The following TRIM71 variants were observed in gnomAD, a reference collection of about 807,000 sequenced individuals.
TRIM71 encodes the protein tripartite motif containing 71.
TRIM71 carries 9 observed loss-of-function variants against 61.2 expected under a neutral mutation model. The ratio of observed to expected loss-of-function variants is 0.15; its 90% confidence interval spans 0.09 to 0.26. The LOEUF is 0.26. TRIM71 is among the 10% of genes least tolerant of loss of function. The pLI is 1.00. For missense variants in TRIM71, 998 were observed against 1,238.7 expected, an observed-to-expected ratio of 0.81 and a Z score of 2.92; for synonymous variants, 645 against 553.2, an observed-to-expected ratio of 1.17 and a Z score of -2.33.
At chr3:32,838,954 C>A (rs1696371812) in intron 1 of TRIM71, among the ~76,000 whole-genome samples, 1 of 151,884 alleles carries the variant, frequency 6.6e-6, no homozygotes, top group Non-Finnish European at 1.5e-5. Context: ...GTGCATGGCA[C>A]CACGCCTGGC....
intron 3 of TRIM71, among the ~76,000 whole-genome samples, chr3:32,887,603 T>C (rs1328251308): frequency 2.6e-5 from 4 of 151,722 alleles, no homozygotes; most frequent in Non-Finnish European, 1.5e-5. Context: ...CTTTAAGATA[T>C]ATAAGTGCAA....
chr3:32,829,101 C>T (rs571198858), intron 1 of TRIM71, among the ~76,000 whole-genome samples: 5 of 152,024 alleles, frequency 3.3e-5, no homozygotes, highest in African/African-American at 1.2e-4. Flanking sequence ...TCAAGCAATT[C>T]TTCTGCCTCA....
intron 1 of TRIM71, among the ~76,000 whole-genome samples, chr3:32,860,632 C>T (rs1225250446): frequency 1.3e-5 from 2 of 152,120 alleles, no homozygotes; most frequent in Non-Finnish European, 2.9e-5. Context: ...GGAGGTGGGA[C>T]GACTCTTAAC....
chr3:32,896,976 A>G lies in TRIM71; in HGVS notation c.*5165A>G, dbSNP rs1006800981. 36 of 144,316 alleles carry G rather than the reference A, an allele frequency of 2.5e-4. No homozygotes were observed. The highest frequency in any genetic ancestry group is 8.8e-4 in the African/African-American group (34 of 38,576). The allele number at this position is 144,316 out of a possible 1,614,324, so 8.9% of individuals were successfully genotyped here. A position where few individuals can be genotyped will look rare whatever the true frequency, so the allele number is the denominator to read the frequency against. The stretch of plus-strand genomic sequence containing the variant: ...GTTTTCTTGCTTTTAGGGTGGTAAG[A>G]TTCCTTTCTTTTTTTCCCTTTTCTC... On this transcript the variant is annotated 3_prime_UTR_variant, in exon 4 of 4. Coordinates refer to ENST00000383763, the MANE Select transcript of TRIM71 (RefSeq NM_001039111.3).
Position 32,890,258 on chromosome 3 carries a change from G to A in TRIM71, c.1156-102G>A. 1.4e-6 allele frequency: 2 copies of A among 1,449,488 alleles called. No homozygotes were observed. The highest frequency in any genetic ancestry group is 1.9e-6 in the Non-Finnish European group (2 of 1,075,284). 89.8% of individuals were successfully genotyped at this position (1,449,488 alleles called of 1,614,324 possible). On this transcript the variant is annotated intron_variant, in intron 3 of 3. Coordinates refer to ENST00000383763, the MANE Select transcript of TRIM71 (RefSeq NM_001039111.3). This position sits in a 1 kb window ranked among gnomAD's most constrained non-coding sequence, Gnocchi z 6.2. ...TTTTGTAGACCATCCCACAATATGT[G>A]TTTGTCTGATGCTTCCTTGTGATTA... is the stretch of plus-strand genomic sequence containing the variant.
Position 32,878,628 on chromosome 3 carries a change from G to GAATA in TRIM71, c.1020+4654_1020+4657dup, listed in dbSNP as rs1456065207. On this transcript the variant is annotated intron_variant, in intron 2 of 3. Transcript: ENST00000383763. ...GAAACCCTGTCTCAAAAAAATAAAT[G>GAATA]AATAAATAAATAAAAATTTTAAAAA... Among the ~76,000 whole-genome samples the GAATA allele has an allele frequency of 7.9e-5, 12 of 151,996 alleles. No individual in the cohort carries two copies. The East Asian group carries it at 2.3e-3, about 29-fold the overall frequency.
chr3:32,842,533 A>G (rs1024166346), intron 1 of TRIM71, among the ~76,000 whole-genome samples: 19 of 152,228 alleles, frequency 1.2e-4, no homozygotes, highest in Admixed American at 5.9e-4. Context: ...CACTTGTCAA[A>G]TATGCATATA....
At chr3:32,874,529 A>G (rs1457320615) in intron 2 of TRIM71, among the ~76,000 whole-genome samples, 1 of 146,780 alleles carries the variant, frequency 6.8e-6, no homozygotes, top group Non-Finnish European at 1.5e-5. Context: ...CACCTGGCTA[A>G]TTTTTTTTTT....
At chr3:32,825,604 C>G (rs1050402637) in intron 1 of TRIM71, among the ~76,000 whole-genome samples, 17 of 152,152 alleles carry the variant, frequency 1.1e-4, no homozygotes, top group African/African-American at 4.1e-4. Flanking sequence ...CTGCTTCCCC[C>G]CTTCTCCCAC....
chr3:32,889,876 G>A (rs939218934), intron 3 of TRIM71, among the ~76,000 whole-genome samples: 6 of 149,602 alleles, frequency 4.0e-5, no homozygotes, highest in Non-Finnish European at 8.9e-5. Context: ...GAGGCATGAG[G>A]CGTGCGTGTA....
At chr3:32,840,822 G>A (rs1696395730) in intron 1 of TRIM71, among the ~76,000 whole-genome samples, 1 of 152,218 alleles carries the variant, frequency 6.6e-6, no homozygotes, top group South Asian at 2.1e-4. Flanking sequence ...AGCTTTCAGG[G>A]CTCAGCTGGG....
rs1182178339 is a variant in TRIM71 at position 32,833,184 on chromosome 3, TAAA to T, written c.852+14278_852+14280del. On this transcript the variant is annotated intron_variant, in intron 1 of 3. Transcript: ENST00000383763. ...GGTGACAAGAATGAAACTCTGTCTT[TAAA>T]AAAAAAAAAAAAAAAAAAAAAAAAA... Among the ~76,000 whole-genome samples the T allele has an allele frequency of 0.015, 822 of 54,404 alleles. 21 individuals carry two copies. The East Asian group carries it at 0.16, about 11-fold the overall frequency. The allele number at this position is 54,404 out of a possible 152,430, so 35.7% of individuals were successfully genotyped here.
intron 3 of TRIM71, among the ~76,000 whole-genome samples, chr3:32,887,877 TAA>T (rs2125692686): frequency 6.6e-6 from 1 of 152,196 alleles, no homozygotes; most frequent in South Asian, 2.1e-4. Flanking sequence ...CCTCCCACCC[TAA>T]AGGGAAAGTC....
chr3:32,866,283 CTG>C (rs1164147109), intron 1 of TRIM71, among the ~76,000 whole-genome samples: 1 of 151,888 alleles, frequency 6.6e-6, no homozygotes, highest in Non-Finnish European at 1.5e-5. Context: ...GAGTCTTGCT[CTG>C]TCTCCTGGGC....
At chr3:32,827,001 T>G (rs999580434) in intron 1 of TRIM71, among the ~76,000 whole-genome samples, 34 of 151,972 alleles carry the variant, frequency 2.2e-4, no homozygotes, top group African/African-American at 8.2e-4. Flanking sequence ...CCTGACCTCA[T>G]GATCCACCCG....
chr3:32,875,923 G>A (rs12488341), intron 2 of TRIM71, among the ~76,000 whole-genome samples: 39,620 of 152,046 alleles, frequency 0.26, 6,499 homozygotes, highest in East Asian at 0.55. Flanking sequence ...TTTCTCAGCC[G>A]CTATCACATT....
At position 32,818,835 on chromosome 3, in the gene TRIM71, A is replaced by C. The variant is rs754250289; in HGVS notation, c.755A>C (p.Gln252Pro). Residue 252 changes from glutamine (Q) to proline (P), a missense_variant, in exon 1 of 4, where the codon CAG becomes CCG. This residue lies in a region of TRIM71 where 527 missense variants were observed against 427.8 expected (regional missense o/e 1.23). Transcript: ENST00000383763. ...PPGPGAAAAA[Q>P]QLGLGPPFPG... is the part of the protein sequence containing the mutation. ...GGTCCCGGTGCCGCAGCAGCGGCGCAGCAGCTCGGGCTCGGGCCGCCCTTT... is the reference window on the plus strand; with the variant it reads ...GGTCCCGGTGCCGCAGCAGCGGCGCCGCAGCTCGGGCTCGGGCCGCCCTTT... 4 of 1,611,758 alleles carry C rather than the reference A, an allele frequency of 2.5e-6. No individual in the cohort carries two copies. In the Admixed American group the frequency reaches 6.7e-5, roughly 27 times the overall value.
At chr3:32,862,334 TC>T (rs1696680998) in intron 1 of TRIM71, among the ~76,000 whole-genome samples, 1 of 152,264 alleles carries the variant, frequency 6.6e-6, no homozygotes, top group Admixed American at 6.5e-5. Context: ...AGTCTGTATT[TC>T]TGCTTCTCTT....
At chr3:32,829,648 G>GTGTGTGTGTGTGTGTT (rs1335004956) in intron 1 of TRIM71, among the ~76,000 whole-genome samples, 1 of 151,690 alleles carries the variant, frequency 6.6e-6, no homozygotes, top group Non-Finnish European at 1.5e-5. Flanking sequence ...GTGTGTGTGT[G>GTGTGTGTGTGTGTGTT]TGTTTGTGTG....
Sources: allele counts gnomAD v4.1 joint callset (sites outside exome capture counted in the v4.1 genomes callset), GRCh38; gene constraint gnomAD v4.1.1; regional missense constraint gnomAD v4.1.1; non-coding constraint Gnocchi (gnomAD v3.1); transcripts MANE v1.5; gene names NCBI Gene and HGNC (gene_info 2026-07-23, HGNC 2026-07-21).